The following GALNTL6 variants were observed in gnomAD, a reference collection of about 807,000 sequenced individuals.
GALNTL6 encodes the protein polypeptide N-acetylgalactosaminyltransferase-like 6.
GALNTL6 carries 46 observed loss-of-function variants against 73.7 expected under a neutral mutation model. The ratio of observed to expected loss-of-function variants is 0.62; its 90% confidence interval spans 0.49 to 0.80. The LOEUF (loss-of-function observed/expected upper bound fraction) is 0.80. Among genes scored for constraint, GALNTL6 ranks in the 30% least tolerant of loss-of-function variants. The pLI, the probability that GALNTL6 is intolerant of heterozygous loss-of-function variation, is 0.00. For synonymous variants in GALNTL6, 259 were observed against 263.7 expected (o/e 0.98, Z 0.17); for missense variants, 604 against 755.0 (o/e 0.80, Z 2.34).
chr4:172,477,198 AG>A (rs1733269590), intron 5 of GALNTL6, among the ~76,000 whole-genome samples: 1 of 150,390 alleles, frequency 6.6e-6, no homozygotes, highest in African/African-American at 2.4e-5. Context: ...GCAGAGAGAG[AG>A]AGAGAGCACT....
At chr4:172,111,544 C>G (rs1732850911) in intron 2 of GALNTL6, among the ~76,000 whole-genome samples, 1 of 151,726 alleles carries the variant, frequency 6.6e-6, no homozygotes, top group African/African-American at 2.4e-5. Context: ...GCACTTTACC[C>G]CTTCTTTTGT....
chr4:171,885,056 C>CA (rs113416452), intron 2 of GALNTL6, among the ~76,000 whole-genome samples: 6,480 of 139,778 alleles, frequency 0.046, 484 homozygotes, highest in African/African-American at 0.17. Flanking sequence ...GACTCTACCT[C>CA]AAAAAAAAAG....
chr4:172,772,620 C>T (rs1738838935), intron 5 of GALNTL6, among the ~76,000 whole-genome samples: 2 of 152,166 alleles, frequency 1.3e-5, no homozygotes, highest in South Asian at 4.2e-4. Flanking sequence ...CATAAATGCT[C>T]CAACTTGGTT....
intron 2 of GALNTL6, among the ~76,000 whole-genome samples, chr4:172,045,080 C>T (rs75152772): frequency 6.6e-6 from 1 of 151,948 alleles, no homozygotes; most frequent in Non-Finnish European, 1.5e-5. Flanking sequence ...ATGATATATA[C>T]TAATTAGCTG....
intron 7 of GALNTL6, among the ~76,000 whole-genome samples, chr4:172,876,901 A>G (rs1254365981): frequency 6.6e-6 from 1 of 152,176 alleles, no homozygotes; most frequent in Non-Finnish European, 1.5e-5. Context: ...TCATGGGCCA[A>G]CTAAAGATTT....
intron 5 of GALNTL6, among the ~76,000 whole-genome samples, chr4:172,680,684 C>G (rs1033819514): frequency 1.3e-5 from 2 of 152,142 alleles, no homozygotes; most frequent in African/African-American, 2.4e-5. Flanking sequence ...TTTCTTCTCC[C>G]CCTTCCTGAC....
At chr4:172,724,943 CCTT>C (rs1735709891) in intron 5 of GALNTL6, among the ~76,000 whole-genome samples, 1 of 152,114 alleles carries the variant, frequency 6.6e-6, no homozygotes, top group Admixed American at 6.6e-5. Flanking sequence ...CCTGGGCTCT[CCTT>C]CTTCCAGGAC....
intron 8 of GALNTL6, among the ~76,000 whole-genome samples, chr4:172,897,473 C>G (rs1202146264): frequency 6.6e-6 from 1 of 152,210 alleles, no homozygotes; most frequent in Admixed American, 6.5e-5. Context: ...AAACTGATGT[C>G]AGTGGGCAGA....
rs1056507113 is a variant in GALNTL6 at position 171,989,839 on chromosome 4, C to T, written c.138+175121C>T. On this transcript the variant is annotated intron_variant, in intron 2 of 12. Coordinates refer to ENST00000506823, the MANE Select transcript of GALNTL6 (RefSeq NM_001034845.3). ...AAAGCATCTCAGGGTTGCTGCCGAA[C>T]GAGCCATGAACTGGGCTGGGTTTTT... Among the ~76,000 whole-genome samples, 7 of 152,226 alleles carry T rather than the reference C, an allele frequency of 4.6e-5. No homozygotes were observed. The East Asian group carries it at 5.8e-4, about 13-fold the overall frequency.
chr4:172,063,998 A>T (rs564596254), intron 2 of GALNTL6, among the ~76,000 whole-genome samples: 1 of 152,312 alleles, frequency 6.6e-6, no homozygotes, highest in Admixed American at 6.5e-5. Context: ...CTTCTCCTGC[A>T]GGATTATTTC....
At chr4:172,343,360 A>C (rs1167642107) in intron 4 of GALNTL6, among the ~76,000 whole-genome samples, 1 of 152,198 alleles carries the variant, frequency 6.6e-6, no homozygotes, top group Non-Finnish European at 1.5e-5. Flanking sequence ...TGAAAGTTTT[A>C]AGATCTCCAA....
At chr4:172,844,346 G>T (rs1488523461) in intron 7 of GALNTL6, among the ~76,000 whole-genome samples, 1 of 152,096 alleles carries the variant, frequency 6.6e-6, no homozygotes, top group African/African-American at 2.4e-5. Flanking sequence ...TTCTGAAGTT[G>T]GTGACTGCTG....
intron 2 of GALNTL6, among the ~76,000 whole-genome samples, chr4:171,971,883 G>A (rs1332240029): frequency 2.0e-5 from 3 of 152,136 alleles, no homozygotes; most frequent in Non-Finnish European, 4.4e-5. Flanking sequence ...GAGTGTGTTT[G>A]TGTGTGTATG....
intron 12 of GALNTL6, among the ~76,000 whole-genome samples, chr4:173,023,861 C>A (rs1039812790): frequency 1.3e-5 from 2 of 151,494 alleles, no homozygotes; most frequent in Non-Finnish European, 2.9e-5. Flanking sequence ...ATGATACAGC[C>A]TGTGTGTGGT....
intron 2 of GALNTL6, among the ~76,000 whole-genome samples, chr4:171,861,813 T>C (rs1735836586): frequency 6.6e-6 from 1 of 151,362 alleles, no homozygotes; most frequent in Non-Finnish European, 1.5e-5. Flanking sequence ...AAAAAACATA[T>C]CTGATGGTAT....
At chr4:172,299,139 T>G (rs1315621546) in intron 3 of GALNTL6, among the ~76,000 whole-genome samples, 3 of 152,236 alleles carry the variant, frequency 2.0e-5, no homozygotes. Flanking sequence ...TTCTAGACTT[T>G]CTAGTTTATT....
At chr4:172,572,239 A>G (rs1736789667) in intron 5 of GALNTL6, among the ~76,000 whole-genome samples, 2 of 152,088 alleles carry the variant, frequency 1.3e-5, no homozygotes, top group South Asian at 4.1e-4. Flanking sequence ...TCTATTCCCC[A>G]TACTGCCTTC....
At chr4:172,562,929 A>G (rs1736427716) in intron 5 of GALNTL6, among the ~76,000 whole-genome samples, 1 of 152,162 alleles carries the variant, frequency 6.6e-6, no homozygotes. Context: ...TCATGAGGCT[A>G]TAGTTAGTAT....
chr4:172,264,563 T>A (rs1738374900), intron 3 of GALNTL6, among the ~76,000 whole-genome samples: 1 of 22,480 alleles, frequency 4.4e-5, no homozygotes, highest in African/African-American at 2.7e-4. Context: ...CAAATATATA[T>A]ATATATATAT....
Sources: allele counts gnomAD v4.1 joint callset (sites outside exome capture counted in the v4.1 genomes callset), GRCh38; gene constraint gnomAD v4.1.1; transcripts MANE v1.5; gene names NCBI Gene and HGNC (gene_info 2026-07-23, HGNC 2026-07-21).